The following AHCTF1 variants were observed in gnomAD, a reference collection of about 807,000 sequenced individuals.
The protein encoded by AHCTF1 is AT-hook containing transcription factor 1, also known as protein ELYS.
Under a neutral mutation model 248.4 loss-of-function variants are expected in AHCTF1, and 24 were observed. That is an observed-to-expected ratio of 0.10 (90% confidence interval 0.07 to 0.14). The LOEUF is 0.14. Ranked by LOEUF, AHCTF1 falls within the 10% of genes least tolerant of loss-of-function variation. The pLI is 1.00. For missense variants in AHCTF1, 2,206 were observed against 2,636.2 expected, an observed-to-expected ratio of 0.84 and a Z score of 3.57; for synonymous variants, 786 against 929.8, an observed-to-expected ratio of 0.85 and a Z score of 2.81.
chr1:246,908,724 A>T (rs1243197892), intron 4 of AHCTF1, among the ~76,000 whole-genome samples: 2 of 73,866 alleles, frequency 2.7e-5, no homozygotes, highest in Non-Finnish European at 5.3e-5. Flanking sequence ...AGTCTCTACT[A>T]AAAAAAAAAA....
chr1:246,860,478 C>T (rs1468280440), intron 29 of AHCTF1, among the ~76,000 whole-genome samples: 1 of 152,146 alleles, frequency 6.6e-6, no homozygotes, highest in East Asian at 1.9e-4. Flanking sequence ...GTAAGCCACA[C>T]TTTCTAAGCT....
At chr1:246,886,059 A>G (rs1663798920) in intron 20 of AHCTF1, among the ~76,000 whole-genome samples, 1 of 152,134 alleles carries the variant, frequency 6.6e-6, no homozygotes, top group Non-Finnish European at 1.5e-5. Flanking sequence ...AAAAAAGTGC[A>G]GTGGCTCATG....
chr1:246,897,807 C>A (rs568105801), intron 12 of AHCTF1, among the ~76,000 whole-genome samples: 5 of 151,906 alleles, frequency 3.3e-5, no homozygotes, highest in Non-Finnish European at 5.9e-5. Context: ...ATAGCGAGAC[C>A]CTGTCTCTAC....
intron 30 of AHCTF1, among the ~76,000 whole-genome samples, chr1:246,857,333 C>A (rs1661177275): frequency 6.6e-6 from 1 of 152,170 alleles, no homozygotes; most frequent in Admixed American, 6.5e-5. Flanking sequence ...TGTCATCTCC[C>A]CTGTGCTCTA....
At chr1:246,909,554 G>A (rs1407287257) in intron 4 of AHCTF1, among the ~76,000 whole-genome samples, 4 of 152,014 alleles carry the variant, frequency 2.6e-5, no homozygotes, top group South Asian at 2.1e-4. Flanking sequence ...ATCAACTGTC[G>A]CAGTATTGCA....
In AHCTF1 at chr1:246,900,246, C is replaced by T; in HGVS notation, c.1251G>A (p.Arg417=). 6.3e-7 allele frequency: 1 copy of T among 1,586,200 alleles called. No homozygotes were observed. ...WYHAQMPDSL[R]SGEYLHNCSY... The stretch of plus-strand genomic sequence containing the variant: ...AGCAATTATGTAGATATTCTCCTGA[C>T]CTAAAAGAAAATTTAAAACATTACT... Residue 417 remains arginine (R), a splice_region_variant and synonymous_variant, in exon 10 of 36, where the codon AGG becomes AGA. Transcript: ENST00000648844.
intron 33 of AHCTF1, among the ~76,000 whole-genome samples, chr1:246,847,443 ATTCT>A (rs1660362073): frequency 6.6e-6 from 1 of 152,178 alleles, no homozygotes; most frequent in Non-Finnish European, 1.5e-5. Context: ...GTGAATGGTG[ATTCT>A]TTCGATGGCT....
Position 246,877,282 on chromosome 1 carries a change from T to A in AHCTF1, c.2681A>T (p.Asn894Ile), listed in dbSNP as rs1663044309. ...LFNRCMVEAW[N>I]FLRQHCNRLN... ...CCTATTGCAATGTTGCCGCAAAAAA[T>A]TCCAGGCTTCAACCATACACCTGAA... The change falls in exon 22 of 36, where the codon AAT becomes ATT. Residue 894 changes from asparagine to isoleucine, a missense_variant. Around this residue, in one of 6 missense-constraint regions of AHCTF1, gnomAD observed 650 missense variants for 870.8 expected, o/e 0.75. Transcript: ENST00000648844. The A allele has an allele frequency of 1.9e-6, 3 of 1,602,372 alleles. No homozygotes were observed. The highest frequency in any genetic ancestry group is 1.8e-5 in the Admixed American group (1 of 57,008).
intron 1 of AHCTF1, among the ~76,000 whole-genome samples, chr1:246,925,906 C>T (rs540400834): frequency 2.6e-5 from 4 of 152,158 alleles, no homozygotes; most frequent in African/African-American, 9.6e-5. Flanking sequence ...CTCATCTCTA[C>T]GAAAAATAAT....
chr1:246,923,812 G>T (rs562422793), intron 1 of AHCTF1, among the ~76,000 whole-genome samples: 12 of 152,280 alleles, frequency 7.9e-5, no homozygotes, highest in African/African-American at 2.9e-4. Context: ...AAAATCCAGA[G>T]AATTCTAACA....
chr1:246,926,913 GC>G (rs1666958292), intron 1 of AHCTF1, among the ~76,000 whole-genome samples: 1 of 151,904 alleles, frequency 6.6e-6, no homozygotes, highest in African/African-American at 2.4e-5. Context: ...GGTGGCACAC[GC>G]CTGTAATCCC....
At chr1:246,885,422 TG>T in intron 21 of AHCTF1, 70 bp downstream of exon 21, 2 of 1,321,762 alleles carry the variant, frequency 1.5e-6, no homozygotes, top group East Asian at 4.8e-5. Flanking sequence ...ATATTGCCAC[TG>T]TCTATCTCAT....
At position 246,889,599 on chromosome 1, in the gene AHCTF1, TTTAAAGTA is replaced by T. The variant is rs1434808655; in HGVS notation, c.2144+359_2144+366del. Among the ~76,000 whole-genome samples the T allele has an allele frequency of 4.2e-3, 642 of 152,294 alleles. 6 individuals are homozygous for T. The highest frequency in any genetic ancestry group is 0.015 in the African/African-American group (623 of 41,566). ...CATCAGAATTACAGCCGGCACAGAT[TTTAAAGTA>T]CTGATTCCCAGGTGATTCAGGTGTA... On this transcript the variant is annotated intron_variant, in intron 17 of 35. Coordinates refer to ENST00000648844, the MANE Select transcript of AHCTF1 (RefSeq NM_001323342.2).
At chr1:246,854,298 CAAAAAAAA>C (rs56086758) in intron 31 of AHCTF1, among the ~76,000 whole-genome samples, 9 of 113,500 alleles carry the variant, frequency 7.9e-5, no homozygotes, top group African/African-American at 2.8e-4. Context: ...GACTCTGTTT[CAAAAAAAA>C]AAAAAAAAAA....
chr1:246,921,290 G>A (rs990140883), intron 1 of AHCTF1, among the ~76,000 whole-genome samples: 4 of 152,054 alleles, frequency 2.6e-5, no homozygotes, highest in Non-Finnish European at 4.4e-5. Context: ...AAGAATATAC[G>A]AGGGACTCTG....
Position 246,876,292 on chromosome 1 carries a change from C to G in AHCTF1, c.2938-105G>C, listed in dbSNP as rs1572402603. The stretch of plus-strand genomic sequence containing the variant: ...AAACTATGAATATCCAAAAAATCTT[C>G]CCCCTACCTACATATCCATTTTTCC... On this transcript the variant is annotated intron_variant, in intron 23 of 35. Transcript: ENST00000648844. The G allele has an allele frequency of 1.1e-5, 11 of 1,008,062 alleles. No individual in the cohort carries two copies. In the Middle Eastern group the frequency reaches 1.1e-3, roughly 97 times the overall value. 62.4% of individuals were successfully genotyped at this position (1,008,062 alleles called of 1,614,324 possible).
intron 12 of AHCTF1, among the ~76,000 whole-genome samples, chr1:246,897,999 T>C (rs1304414481): frequency 2.0e-5 from 3 of 152,192 alleles, no homozygotes; most frequent in African/African-American, 7.2e-5. Context: ...TCTATACAGC[T>C]AAGTCAACCT....
Position 246,850,205 on chromosome 1 carries a change from T to C in AHCTF1, c.5801A>G (p.His1934Arg), listed in dbSNP as rs770884177. Residue 1934 changes from histidine (H) to arginine (R), a missense_variant, in exon 33 of 36, where the codon CAT becomes CGT. His to Arg is a conservative substitution (Grantham distance 29, BLOSUM62 0). Coordinates refer to ENST00000648844, the MANE Select transcript of AHCTF1 (RefSeq NM_001323342.2). ...KSSDKQLRIKHVRRVRGREVS... is the reference protein window; with the variant it reads ...KSSDKQLRIKRVRRVRGREVS... ...TTCTCTCCCTCTGACCCTTCTAACA[T>C]GTTTAATACGCAGCTGCTTGTCACT... 24 of 1,613,824 alleles carry C rather than the reference T, an allele frequency of 1.5e-5. No individual in the cohort carries two copies. The highest frequency in any genetic ancestry group is 1.8e-5 in the Non-Finnish European group (21 of 1,179,854).
intron 1 of AHCTF1, among the ~76,000 whole-genome samples, chr1:246,918,880 G>GA (rs1666330689): frequency 6.6e-6 from 1 of 151,752 alleles, no homozygotes; most frequent in African/African-American, 2.4e-5. Context: ...CCTCCCTACA[G>GA]AAAAAAGAAA....
Sources: gnomAD v4.1 joint callset for allele counts (sites outside exome capture counted in the v4.1 genomes callset) on GRCh38, gnomAD v4.1.1 for gene constraint, gnomAD v4.1.1 regional missense constraint, MANE v1.5 for transcripts, NCBI Gene and HGNC (gene_info 2026-07-23, HGNC 2026-07-21) for gene names.